USP31: variants seen among roughly 807,000 people sequenced by gnomAD.
USP31 encodes ubiquitin specific peptidase 31, also known as ubiquitin carboxyl-terminal hydrolase 31.
Under a neutral mutation model 119.4 loss-of-function variants are expected in USP31, and 44 were observed. That is an observed-to-expected ratio of 0.37 (90% CI 0.29 to 0.47). The LOEUF is 0.47. Ranked by LOEUF, USP31 falls within the 20% of genes least tolerant of loss-of-function variation. USP31 has a pLI of 0.99. For missense variants in USP31, 1,643 were observed against 1,730.2 expected (o/e 0.95, Z 0.89); for synonymous variants, 749 against 705.6 (o/e 1.06, Z -0.97).
chr16:23,138,842 C>G (rs1903268176), intron 1 of USP31, among the ~76,000 whole-genome samples: 2 of 152,170 alleles, frequency 1.3e-5, no homozygotes, highest in South Asian at 4.1e-4. Context: ...AGTCACCTCA[C>G]AGGCCCCATT....
At position 23,061,931 on chromosome 16, in the gene USP31, T is replaced by C. The variant is rs760329827; in HGVS notation, c.*6115A>G. On this transcript the variant is annotated 3_prime_UTR_variant, in exon 16 of 16. Transcript: ENST00000219689. ...GACCTCTATGGAATGCAAACACGTA[T>C]TTGAAAGGCCTACAAAGAGAACTCC... is the stretch of plus-strand genomic sequence containing the variant. 3.9e-5 allele frequency: 6 copies of C among 152,796 alleles called. No homozygotes were observed. The East Asian group carries it at 7.7e-4, about 20-fold the overall frequency. 9.5% of individuals were successfully genotyped at this position (152,796 alleles called of 1,614,324 possible). A position where few individuals can be genotyped will look rare whatever the true frequency, so the allele number is the denominator to read the frequency against.
chr16:23,068,823 T>A lies in USP31; in HGVS notation c.3282A>T (p.Gln1094His). ...ATTTCGGGGATGACTCCTTTTTGGG[T>A]TGGGCAGGGGCAGGGGATGAATGCC... Reference protein sequence around the residue: ...SGRHSSPAPAQPKKESSPKSQ... With the variant: ...SGRHSSPAPAHPKKESSPKSQ... Residue 1094 changes from glutamine to histidine, a missense_variant, in exon 16 of 16, where the codon CAA (glutamine) becomes CAT (histidine). Transcript: ENST00000219689. The A allele has an allele frequency of 6.4e-7, 1 of 1,555,324 alleles. No homozygotes were observed. Among genetic ancestry groups the A allele is most frequent in the Non-Finnish European group, 8.7e-7 (1 of 1,154,518 alleles).
rs369017463 is a variant in USP31, at chr16:23,085,491, T to C, written c.1700+94A>G. ...GATACTTAGCTAAAGAGAAGAGAGA[T>C]TTGTGTTTCAGCTCATTTAACATAT... On this transcript the variant is annotated intron_variant, in intron 10 of 15. Coordinates refer to ENST00000219689, the MANE Select transcript of USP31 (RefSeq NM_020718.4). 257 of 1,140,466 alleles carry C rather than the reference T, an allele frequency of 2.3e-4. 3 individuals are homozygous for C. Among genetic ancestry groups the C allele is most frequent in the Admixed American group, 1.1e-3 (60 of 52,612 alleles). 70.6% of individuals were successfully genotyped at this position (1,140,466 alleles called of 1,614,324 possible).
chr16:23,076,334 T>C (rs953041119), intron 13 of USP31, among the ~76,000 whole-genome samples: 13 of 151,744 alleles, frequency 8.6e-5, no homozygotes, highest in Non-Finnish European at 1.9e-4. Flanking sequence ...GTATCTTTCA[T>C]TCAACAATGC....
intron 6 of USP31, among the ~76,000 whole-genome samples, chr16:23,094,807 C>T (rs1901530168): frequency 6.6e-6 from 1 of 151,186 alleles, no homozygotes; most frequent in Non-Finnish European, 1.5e-5. Context: ...GGAATAGCAC[C>T]AACATCAACA....
rs375777091 is a variant in USP31 at position 23,149,046 on chromosome 16, G to C, written c.225C>G (p.Leu75=). 9 of 1,245,892 alleles carry C rather than the reference G, an allele frequency of 7.2e-6. No homozygotes were observed. Among genetic ancestry groups the C allele is most frequent in the Non-Finnish European group, 9.3e-6 (9 of 969,394 alleles). 77.2% of individuals were successfully genotyped at this position (1,245,892 alleles called of 1,614,324 possible). A position where few individuals can be genotyped will look rare whatever the true frequency, so the allele number is the denominator to read the frequency against. The change falls in exon 1 of 16, where the codon CTC becomes CTG. Residue 75 remains leucine, a synonymous_variant. Transcript: ENST00000219689. ...CGGCGCCCTCAGAGCTAAGGTGCGA[G>C]AGCGTGGACAGCGTCTTGAGAACGC... is the stretch of plus-strand genomic sequence containing the variant. ...MSRVLKTLST[L]SHLSSEGAAP...
At chr16:23,079,807 A>G in intron 13 of USP31, 139 bp downstream of exon 13, 2 of 741,452 alleles carry the variant, frequency 2.7e-6, no homozygotes, top group Non-Finnish European at 4.1e-6. Context: ...GCAGAGATCC[A>G]GAGGATGGAA....
chr16:23,109,493 T>C (rs1016409713), intron 1 of USP31, among the ~76,000 whole-genome samples: 2 of 152,124 alleles, frequency 1.3e-5, no homozygotes, highest in East Asian at 3.8e-4. Flanking sequence ...GAGGCAAATC[T>C]TCCTTACAGA....
intron 9 of USP31, among the ~76,000 whole-genome samples, chr16:23,086,108 C>T (rs1362592885): frequency 1.3e-5 from 2 of 152,148 alleles, no homozygotes; most frequent in Non-Finnish European, 2.9e-5. Flanking sequence ...TTCCTCCTTC[C>T]TCCAAAGCTA....
chr16:23,124,253 C>T (rs1902773905), intron 1 of USP31, among the ~76,000 whole-genome samples: 2 of 152,040 alleles, frequency 1.3e-5, no homozygotes, highest in South Asian at 4.2e-4. Flanking sequence ...CCTAAGTCAC[C>T]AAGGAACAAC....
At chr16:23,095,711 G>C (rs547925678) in intron 6 of USP31, among the ~76,000 whole-genome samples, 10 of 152,274 alleles carry the variant, frequency 6.6e-5, no homozygotes, top group African/African-American at 2.4e-4. Context: ...TTAAAGAAAA[G>C]AATTTTCAAC....
intron 13 of USP31, among the ~76,000 whole-genome samples, chr16:23,074,759 G>C (rs540310423): frequency 3.3e-5 from 5 of 152,262 alleles, no homozygotes; most frequent in African/African-American, 9.6e-5. Context: ...TAGAAATAAA[G>C]AACATTCAAG....
rs925917284 is a variant in USP31, at chr16:23,062,542, A to G, written c.*5504T>C. The stretch of plus-strand genomic sequence containing the variant: ...CTACTGTAATTCCTACAAAAAGGCA[A>G]TAATTCTATCAAAAGCAGGGACAGG... On this transcript the variant is annotated 3_prime_UTR_variant, in exon 16 of 16. Transcript: ENST00000219689. 9 of 152,684 alleles carry G rather than the reference A, an allele frequency of 5.9e-5. No homozygotes were observed. The highest frequency in any genetic ancestry group is 4.1e-4 in the South Asian group (2 of 4,836). 9.5% of individuals were successfully genotyped at this position (152,684 alleles called of 1,614,324 possible).
chr16:23,085,882 C>G (rs961155363), intron 9 of USP31, among the ~76,000 whole-genome samples: 1 of 152,070 alleles, frequency 6.6e-6, no homozygotes, highest in Non-Finnish European at 1.5e-5. Flanking sequence ...AATTAAAAAG[C>G]CCAATACAGT....
At chr16:23,135,945 C>G (rs1168728525) in intron 1 of USP31, among the ~76,000 whole-genome samples, 2 of 152,186 alleles carry the variant, frequency 1.3e-5, no homozygotes, top group African/African-American at 4.8e-5. Context: ...TACACAGCTA[C>G]AGCAATGAGA....
rs566286355 is a variant in USP31 at position 23,094,016 on chromosome 16, G to A, written c.1235-3212C>T. 7.2e-5 allele frequency among the ~76,000 whole-genome samples: 11 copies of A among 152,252 alleles called. 1 individual carries two copies. In the South Asian group the frequency reaches 1.2e-3, roughly 17 times the overall value. The stretch of plus-strand genomic sequence containing the variant: ...CGGTTGGACAGTGGGTACTGCCCAC[G>A]GAGGGTGAGCTGAAGCAGAGTGGGG... On this transcript the variant is annotated intron_variant, in intron 6 of 15. Transcript: ENST00000219689.
rs865781262 is a variant in USP31 at position 23,074,283 on chromosome 16, G to T, written c.2177-403C>A. 2.6e-5 allele frequency among the ~76,000 whole-genome samples: 4 copies of T among 152,244 alleles called. No homozygotes were observed. In the South Asian group the frequency reaches 8.3e-4, roughly 32 times the overall value. The stretch of plus-strand genomic sequence containing the variant: ...CGGATGCTGCTAAACATTCTATAAT[G>T]CACAGGACAGCCCCCTGCAAGACAA... On this transcript the variant is annotated intron_variant, in intron 13 of 15. Transcript: ENST00000219689.
intron 7 of USP31, among the ~76,000 whole-genome samples, chr16:23,090,160 G>A (rs561166581): frequency 7.0e-4 from 106 of 152,224 alleles, no homozygotes; most frequent in African/African-American, 2.1e-3. Flanking sequence ...CAAGGCGGGC[G>A]GATCGTCTGA....
chr16:23,127,580 A>G lies in USP31; in HGVS notation c.634-19397T>C, dbSNP rs367593563. On this transcript the variant is annotated intron_variant, in intron 1 of 15. Coordinates refer to ENST00000219689, the MANE Select transcript of USP31 (RefSeq NM_020718.4). Reference sequence around the variant, plus strand: ...TGGGTTCAAGTGATTCTCCTGCCTCAGCCTCCCAAGTAGCTGGGATTACAG... The same window carrying G: ...TGGGTTCAAGTGATTCTCCTGCCTCGGCCTCCCAAGTAGCTGGGATTACAG... Among the ~76,000 whole-genome samples the G allele has an allele frequency of 1.8e-4, 27 of 151,586 alleles. No homozygotes were observed. The East Asian group carries it at 4.1e-3, about 23-fold the overall frequency.
Sources: allele counts gnomAD v4.1 joint callset (sites outside exome capture counted in the v4.1 genomes callset), GRCh38; gene constraint gnomAD v4.1.1; transcripts MANE v1.5; gene names NCBI Gene and HGNC (gene_info 2026-07-23, HGNC 2026-07-21).